The following POGK variants were observed in gnomAD, a reference collection of about 807,000 sequenced individuals.
POGK encodes pogo transposable element with KRAB domain.
A neutral mutation model predicts 54.4 loss-of-function variants in POGK; 16 were observed. The observed-to-expected ratio is 0.29, with a 90% confidence interval of 0.20 to 0.45. POGK has a LOEUF of 0.45. POGK is among the 20% of genes least tolerant of loss of function. The pLI is 1.00. For synonymous variants in POGK, 271 were observed against 302.2 expected (o/e 0.90, Z 1.07); for missense variants, 515 against 795.6 (o/e 0.65, Z 4.24).
At chr1:166,846,148 CA>C (rs1376287425) in intron 2 of POGK, among the ~76,000 whole-genome samples, 1 of 152,154 alleles carries the variant, frequency 6.6e-6, no homozygotes, top group East Asian at 1.9e-4. Context: ...TTCAGATTTA[CA>C]AACCCAACTC....
chr1:166,839,853 G>C (rs1381555163), intron 1 of POGK: 1 of 151,476 alleles, frequency 6.6e-6, no homozygotes, highest in Non-Finnish European at 1.5e-5. Context: ...CGGTTCCGCG[G>C]AGAAAGGGAA....
chr1:166,851,203 G>A (rs1292919298), intron 5 of POGK: 1 of 152,148 alleles, frequency 6.6e-6, no homozygotes, highest in Non-Finnish European at 1.5e-5. Context: ...ACTCACTTTT[G>A]CTGGCCTGTA....
chr1:166,846,472 C>T (rs958105180), intron 2 of POGK, 140 bp from the exon 3 acceptor site: 15 of 1,092,200 alleles, frequency 1.4e-5, no homozygotes, highest in South Asian at 7.6e-5. Context: ...GTGGACAGTC[C>T]GTTTTCCCCT....
rs1187646483 is a variant in POGK, at chr1:166,849,676, C to T, written c.1097C>T (p.Thr366Met). The change falls in exon 5 of 6, where the codon ACG becomes ATG. Residue 366 changes from threonine to methionine, a missense_variant. Around this residue, in one of 2 missense-constraint regions of POGK, gnomAD observed 461 missense variants for 743.5 expected, o/e 0.62. Transcript: ENST00000367876. ...EVAQMGNADE[T>M]PICLEVPSRV... Reference sequence around the variant, plus strand: ...GCTCAGATGGGGAATGCAGATGAGACGCCCATTTGTTTAGAGGTGCCATCA... The same window carrying T: ...GCTCAGATGGGGAATGCAGATGAGATGCCCATTTGTTTAGAGGTGCCATCA... 3.1e-6 allele frequency: 5 copies of T among 1,614,254 alleles called. No individual in the cohort carries two copies. Among genetic ancestry groups the T allele is most frequent in the Admixed American group, 1.7e-5 (1 of 60,036 alleles).
In POGK at chr1:166,850,134, C is replaced by T; in HGVS notation, c.1555C>T (p.Arg519Trp). ...CTACAAGCCACTGAATGACAGTGTG[C>T]GGGCCCAGTACTCCAACTGGCTTCT... is the stretch of plus-strand genomic sequence containing the variant. Reference protein sequence around the residue: ...VVYKPLNDSVRAQYSNWLLAG... With the variant: ...VVYKPLNDSVWAQYSNWLLAG... The change falls in exon 5 of 6, where the codon CGG becomes TGG. Residue 519 changes from arginine (R) to tryptophan (W), a missense_variant. This residue lies in a region of POGK where 461 missense variants were observed against 743.5 expected (regional missense o/e 0.62). Transcript: ENST00000367876. 2 of 1,586,314 alleles carry T rather than the reference C, an allele frequency of 1.3e-6. No individual in the cohort carries two copies. Among genetic ancestry groups the T allele is most frequent in the Non-Finnish European group, 1.7e-6 (2 of 1,165,678 alleles).
Position 166,855,043 on chromosome 1 carries a change from TC to T in POGK, c.*2474del, listed in dbSNP as rs1287062962. Reference sequence around the variant, plus strand: ...ACGGCATTTACCTGTGGTCATCACTTCAGGCAATGGAAAGGAAAAGTGTTTG... The same window carrying T: ...ACGGCATTTACCTGTGGTCATCACTTAGGCAATGGAAAGGAAAAGTGTTTG... On this transcript the variant is annotated 3_prime_UTR_variant, in exon 6 of 6. Transcript: ENST00000367876. 1 of 150,758 alleles carries T rather than the reference TC, an allele frequency of 6.6e-6. No homozygotes were observed. Among genetic ancestry groups the T allele is most frequent in the East Asian group, 1.9e-4 (1 of 5,186 alleles). The allele number at this position is 150,758 out of a possible 1,614,324, so 9.3% of individuals were successfully genotyped here. A position where few individuals can be genotyped will look rare whatever the true frequency, so the allele number is the denominator to read the frequency against.
rs1325284111 is a variant in POGK at position 166,847,518 on chromosome 1, T to C, written c.284T>C (p.Met95Thr). 1.2e-6 allele frequency: 2 copies of C among 1,613,962 alleles called. No individual in the cohort carries two copies. Among genetic ancestry groups the C allele is most frequent in the Non-Finnish European group, 1.7e-6 (2 of 1,179,916 alleles). Residue 95 changes from methionine to threonine, a missense_variant, in exon 4 of 6, where the codon ATG becomes ACG. Around this residue, in one of 2 missense-constraint regions of POGK, gnomAD observed 461 missense variants for 743.5 expected, o/e 0.62. Coordinates refer to ENST00000367876, the MANE Select transcript of POGK (RefSeq NM_017542.5). The stretch of plus-strand genomic sequence containing the variant: ...GAATTCCCATTCCCTAAGCCAGACA[T>C]GATCACCCGTTTGGAAGGGGAGGAG... ...SLEFPFPKPD[M>T]ITRLEGEEES...
chr1:166,842,793 A>C (rs940891959), intron 2 of POGK, among the ~76,000 whole-genome samples: 1 of 152,096 alleles, frequency 6.6e-6, no homozygotes, highest in African/African-American at 2.4e-5. Flanking sequence ...AGTGGATAGA[A>C]GCCAGGGGAG....
rs1222706570 is a variant in POGK at position 166,851,150 on chromosome 1, C to G, written c.*14+727C>G. ...TCTTTCCCTTTTAAATTATGCTGAA[C>G]ATTTAGGGCCAGTATGTGTAACTGA... On this transcript the variant is annotated intron_variant, in intron 5 of 5. Coordinates refer to ENST00000367876, the MANE Select transcript of POGK (RefSeq NM_017542.5). 2.6e-5 allele frequency: 4 copies of G among 152,132 alleles called. No homozygotes were observed. The East Asian group carries it at 7.7e-4, about 29-fold the overall frequency. 9.4% of individuals were successfully genotyped at this position (152,132 alleles called of 1,614,324 possible).
chr1:166,852,248 TTAATTTCC>T (rs1453827779), intron 5 of POGK: 10 of 152,252 alleles, frequency 6.6e-5, no homozygotes, highest in Non-Finnish European at 1.5e-4. Flanking sequence ...TTGTGCACTT[TTAATTTCC>T]TAAGCTCCTT....
In POGK at chr1:166,850,217, C is replaced by G; in HGVS notation, c.1638C>G (p.Leu546=). 1.3e-6 allele frequency: 2 copies of G among 1,555,086 alleles called. No individual in the cohort carries two copies. The highest frequency in any genetic ancestry group is 2.4e-5 in the South Asian group (2 of 84,524). ...TGNAKKPPLG[L]FLEWVMVAWN... ...ATGCTAAGAAGCCACCCCTGGGCCT[C>G]TTTCTGGAGTGGGTCATGGTCGCGT... is the stretch of plus-strand genomic sequence containing the variant. Residue 546 remains leucine, a synonymous_variant, in exon 5 of 6, where the codon CTC becomes CTG. Transcript: ENST00000367876.
In POGK at chr1:166,850,170, C is replaced by A; in HGVS notation, c.1591C>A (p.Leu531Met). The change falls in exon 5 of 6, where the codon CTG becomes ATG. Residue 531 changes from leucine to methionine, a missense_variant. Physicochemically the swap from Leu to Met is conservative, Grantham distance 15. This residue lies in a region of POGK where 461 missense variants were observed against 743.5 expected (regional missense o/e 0.62). Transcript: ENST00000367876. The stretch of plus-strand genomic sequence containing the variant: ...CTCCAACTGGCTTCTGGCTGGGAAC[C>A]TGGCGCTGAGCCCAACCGGGAATGC... ...QYSNWLLAGN[L>M]ALSPTGNAKK... is the part of the protein sequence containing the mutation. 6.4e-7 allele frequency: 1 copy of A among 1,561,086 alleles called. No homozygotes were observed. The highest frequency in any genetic ancestry group is 1.4e-5 in the African/African-American group (1 of 73,688).
rs897446029 is a variant in POGK, at chr1:166,839,575, C to G, written c.-32C>G. 3 of 149,940 alleles carry G rather than the reference C, an allele frequency of 2.0e-5. No homozygotes were observed. Among genetic ancestry groups the G allele is most frequent in the Non-Finnish European group, 4.5e-5 (3 of 67,318 alleles). The allele number at this position is 149,940 out of a possible 1,614,324, so 9.3% of individuals were successfully genotyped here. A position where few individuals can be genotyped will look rare whatever the true frequency, so the allele number is the denominator to read the frequency against. On this transcript the variant is annotated 5_prime_UTR_variant, in exon 1 of 6. Coordinates refer to ENST00000367876, the MANE Select transcript of POGK (RefSeq NM_017542.5). ...AGCCGGGCCGGAGCCCTCGCGTCCC[C>G]ACCCCGCGCCCTGGCCGCTGGGCCC... is the stretch of plus-strand genomic sequence containing the variant.
rs922688429 is a variant in POGK, at chr1:166,855,153, T to G, written c.*2583T>G. On this transcript the variant is annotated 3_prime_UTR_variant, in exon 6 of 6. Coordinates refer to ENST00000367876, the MANE Select transcript of POGK (RefSeq NM_017542.5). ...TTGTACCTCTGAACCTAAAATGTTT[T>G]TTTTTTAATTCAGAACAACAAAAGA... 2 of 152,176 alleles carry G rather than the reference T, an allele frequency of 1.3e-5. No homozygotes were observed. The highest frequency in any genetic ancestry group is 4.8e-5 in the African/African-American group (2 of 41,434). The allele number at this position is 152,176 out of a possible 1,614,324, so 9.4% of individuals were successfully genotyped here.
intron 2 of POGK, 109 bp downstream of exon 2, chr1:166,841,197 C>T (rs1657496556): frequency 2.8e-6 from 4 of 1,439,182 alleles, no homozygotes; most frequent in South Asian, 1.4e-5. Context: ...ATAGCCCAGC[C>T]CGGTGTGTTT....
intron 5 of POGK, chr1:166,851,284 G>A (rs1159215030): frequency 6.6e-6 from 1 of 152,162 alleles, no homozygotes; most frequent in Non-Finnish European, 1.5e-5. Context: ...GCTATCTACA[G>A]TATGTTACCA....
At chr1:166,840,495 T>C (rs1657447929) in intron 1 of POGK, 1 of 154,068 alleles carries the variant, frequency 6.5e-6, no homozygotes, top group Non-Finnish European at 1.4e-5. Context: ...AACTGGCTTC[T>C]AGCACCCATT....
intron 1 of POGK, chr1:166,840,240 T>TC (rs1657434749): frequency 6.6e-6 from 1 of 151,912 alleles, no homozygotes; most frequent in African/African-American, 2.4e-5. Flanking sequence ...TGGCCAAGAG[T>TC]CAGCGAATAG....
At chr1:166,846,586 T>C (rs1657858754) in intron 2 of POGK, 26 bp from the exon 3 acceptor site, 1 of 1,613,752 alleles carries the variant, frequency 6.2e-7, no homozygotes. Context: ...TGTTTGTCAT[T>C]GTGAAAGGGC....
Sources: gnomAD v4.1 joint callset for allele counts (sites outside exome capture counted in the v4.1 genomes callset) on GRCh38, gnomAD v4.1.1 for gene constraint, gnomAD v4.1.1 regional missense constraint, MANE v1.5 for transcripts, NCBI Gene and HGNC (gene_info 2026-07-23, HGNC 2026-07-21) for gene names.